CNBD1: variants seen among roughly 807,000 people sequenced by gnomAD.
CNBD1 encodes the protein cyclic nucleotide binding domain containing 1.
In CNBD1, 71 loss-of-function variants were observed where a neutral mutation model predicts 54.4. The ratio of observed to expected loss-of-function variants is 1.30; its 90% CI spans 1.08 to 1.59. The LOEUF (loss-of-function observed/expected upper bound fraction) is 1.59, where lower values mean the gene tolerates loss of function less well. Ranked by LOEUF, CNBD1 falls within the 40% of genes most tolerant of loss-of-function variation. The pLI is 0.00. For missense variants in CNBD1, 659 were observed against 518.0 expected (o/e 1.27, Z -2.64); for synonymous variants, 182 against 170.7 (o/e 1.07, Z -0.51).
At chr8:86,976,320 A>G (rs985142167) in intron 4 of CNBD1, among the ~76,000 whole-genome samples, 1 of 151,034 alleles carries the variant, frequency 6.6e-6, no homozygotes, top group Admixed American at 6.6e-5. Context: ...AATGTCACGG[A>G]GCTTTCCCCT....
chr8:87,155,075 A>G (rs1311260531), intron 4 of CNBD1, among the ~76,000 whole-genome samples: 2 of 152,046 alleles, frequency 1.3e-5, no homozygotes, highest in South Asian at 2.1e-4. Context: ...TGGGAGGGCA[A>G]TTTTCCTCTT....
At chr8:87,320,160 A>G (rs1809488567) in intron 8 of CNBD1, among the ~76,000 whole-genome samples, 1 of 152,114 alleles carries the variant, frequency 6.6e-6, no homozygotes, top group Non-Finnish European at 1.5e-5. Flanking sequence ...ACTGACTTGA[A>G]ACAAATACCT....
At chr8:87,339,364 T>G (rs932802174) in intron 8 of CNBD1, among the ~76,000 whole-genome samples, 1 of 152,184 alleles carries the variant, frequency 6.6e-6, no homozygotes, top group Non-Finnish European at 1.5e-5. Context: ...ACAATTCAGG[T>G]TTCCCTACGC....
intron 5 of CNBD1, among the ~76,000 whole-genome samples, chr8:87,228,940 T>A (rs1328335567): frequency 1.3e-5 from 2 of 152,208 alleles, no homozygotes; most frequent in African/African-American, 4.8e-5. Context: ...TATAATCTCA[T>A]GGTGCGCCGT....
At chr8:87,120,287 G>A (rs1364596700) in intron 4 of CNBD1, among the ~76,000 whole-genome samples, 2 of 151,920 alleles carry the variant, frequency 1.3e-5, no homozygotes, top group Non-Finnish European at 2.9e-5. Flanking sequence ...ATTACTTCCT[G>A]ATTCAATCGT....
chr8:86,880,025 A>G (rs1808581811), intron 1 of CNBD1, among the ~76,000 whole-genome samples: 1 of 152,220 alleles, frequency 6.6e-6, no homozygotes, highest in Non-Finnish European at 1.5e-5. Flanking sequence ...ATCACATTAG[A>G]ATTTTAGAAA....
chr8:87,391,736 C>G (rs556751799), intron 2 of CNBD1, among the ~76,000 whole-genome samples: 1 of 152,130 alleles, frequency 6.6e-6, no homozygotes, highest in African/African-American at 2.4e-5. Context: ...AACTGTACAA[C>G]TCTTAGAAGA....
At chr8:87,143,665 A>G (rs1027628760) in intron 4 of CNBD1, among the ~76,000 whole-genome samples, 3 of 152,202 alleles carry the variant, frequency 2.0e-5, no homozygotes, top group African/African-American at 7.2e-5. Context: ...TTTAAAAAAT[A>G]GATTTTTAAT....
chr8:87,126,138 C>T (rs1017519078), intron 4 of CNBD1, among the ~76,000 whole-genome samples: 6 of 151,906 alleles, frequency 3.9e-5, no homozygotes, highest in African/African-American at 1.4e-4. Flanking sequence ...TCTGAACATT[C>T]ATGAACAAGT....
chr8:87,259,491 C>A (rs1423490702), intron 6 of CNBD1, among the ~76,000 whole-genome samples: 2 of 152,132 alleles, frequency 1.3e-5, no homozygotes, highest in Admixed American at 6.5e-5. Flanking sequence ...GTTCTTATTT[C>A]CCAAAGGTTA....
intron 4 of CNBD1, among the ~76,000 whole-genome samples, chr8:87,136,131 A>C (rs1812222517): frequency 6.6e-6 from 1 of 152,040 alleles, no homozygotes; most frequent in Non-Finnish European, 1.5e-5. Context: ...TTAATACCCA[A>C]AAATAAAATC....
At chr8:87,031,175 T>G (rs1563442096) in intron 4 of CNBD1, among the ~76,000 whole-genome samples, 2 of 151,810 alleles carry the variant, frequency 1.3e-5, no homozygotes, top group East Asian at 3.9e-4. Flanking sequence ...GAAATGGCAT[T>G]TCTATAGTCA....
At chr8:86,920,861 A>G (rs1809259825) in intron 3 of CNBD1, among the ~76,000 whole-genome samples, 1 of 149,724 alleles carries the variant, frequency 6.7e-6, no homozygotes, top group African/African-American at 2.4e-5. Flanking sequence ...AAAATGATGA[A>G]GGGCTTCTCT....
chr8:87,101,577 TG>T (rs1328414713), intron 4 of CNBD1, among the ~76,000 whole-genome samples: 2 of 152,140 alleles, frequency 1.3e-5, no homozygotes, highest in African/African-American at 4.8e-5. Context: ...CAGTAAATTA[TG>T]GAACAACTTG....
chr8:87,194,964 A>G (rs1423256844), intron 4 of CNBD1, among the ~76,000 whole-genome samples: 1 of 150,664 alleles, frequency 6.6e-6, no homozygotes, highest in Admixed American at 6.6e-5. Context: ...ACTCACTGCA[A>G]CCTCCGCCTC....
intron 3 of CNBD1, among the ~76,000 whole-genome samples, chr8:86,923,212 GTTTGAAGTACTCCT>G (rs1809304254): frequency 6.6e-6 from 1 of 152,180 alleles, no homozygotes; most frequent in Non-Finnish European, 1.5e-5. Flanking sequence ...AGTTTTCTAA[GTTTGAAGTACTCCT>G]TTTGAAGTCC....
At chr8:86,943,179 G>T (rs1447637586) in intron 4 of CNBD1, among the ~76,000 whole-genome samples, 1 of 151,624 alleles carries the variant, frequency 6.6e-6, no homozygotes, top group South Asian at 2.1e-4. Flanking sequence ...TCAAGAGATG[G>T]AAACCATCCT....
intron 4 of CNBD1, among the ~76,000 whole-genome samples, chr8:86,942,064 G>T (rs1807331481): frequency 6.6e-6 from 1 of 152,058 alleles, no homozygotes; most frequent in African/African-American, 2.4e-5. Flanking sequence ...TAAATGAGAA[G>T]GAAATTCATT....
chr8:87,150,767 G>A (rs962059086), intron 4 of CNBD1, among the ~76,000 whole-genome samples: 12 of 152,096 alleles, frequency 7.9e-5, no homozygotes, highest in African/African-American at 2.4e-4. Context: ...TTGAAGTTAG[G>A]CCCCTACTCC....
Sources: gnomAD v4.1 joint callset for allele counts (sites outside exome capture counted in the v4.1 genomes callset) on GRCh38, gnomAD v4.1.1 for gene constraint, MANE v1.5 for transcripts, NCBI Gene and HGNC (gene_info 2026-07-23, HGNC 2026-07-21) for gene names.